Variants in TECR observed in about 807,000 individuals in gnomAD.
The protein encoded by TECR is trans-2,3-enoyl-CoA reductase, also known as very-long-chain enoyl-CoA reductase.
TECR carries 19 observed loss-of-function variants against 50.6 expected under a neutral mutation model. That is an observed-to-expected ratio of 0.38 (90% CI 0.26 to 0.55). The LOEUF (loss-of-function observed/expected upper bound fraction) is 0.55, where lower values mean the gene tolerates loss of function less well. TECR is among the 20% of genes least tolerant of loss of function. TECR has a pLI of 0.79. For missense variants in TECR, 313 were observed against 408.3 expected (o/e 0.77, Z 2.01); for synonymous variants, 168 against 163.5 (o/e 1.03, Z -0.21).
intron 12 of TECR, 37 bp from the exon 13 acceptor site, chr19:14,565,707 C>T (rs1472418799): frequency 3.1e-6 from 5 of 1,611,838 alleles, no homozygotes; most frequent in East Asian, 4.5e-5. Flanking sequence ...CCCCTCCGGG[C>T]CGGCAGCCCC....
chr19:14,552,949 C>T (rs1310296929), intron 1 of TECR, among the ~76,000 whole-genome samples: 1 of 152,000 alleles, frequency 6.6e-6, no homozygotes, highest in Admixed American at 6.6e-5. Flanking sequence ...GCGAGATCAG[C>T]GTCGCTCTGG....
At position 14,564,200 on chromosome 19, in the gene TECR, C is replaced by T. The variant is rs1366096362; in HGVS notation, c.402C>T (p.His134=). 6.2e-7 allele frequency: 1 copy of T among 1,607,904 alleles called. No homozygotes were observed. The highest frequency in any genetic ancestry group is 8.5e-7 in the Non-Finnish European group (1 of 1,179,870). Residue 134 remains histidine, a synonymous_variant, in exon 7 of 13, where the codon CAC becomes CAT. Transcript: ENST00000215567. The stretch of plus-strand genomic sequence containing the variant: ...CGACCAGCCTCGCCTGCATCTGTCA[C>T]TCATTCCACTACATCAAGCGCCTGC... ...HTVVHLACIC[H]SFHYIKRLLE...
At chr19:14,553,034 T>TG (rs1256070509) in intron 1 of TECR, among the ~76,000 whole-genome samples, 2 of 151,718 alleles carry the variant, frequency 1.3e-5, no homozygotes, top group East Asian at 3.9e-4. Context: ...CCACTGAGAA[T>TG]GGGGGGCAGG....
rs75013252 is a variant in TECR, at chr19:14,533,595, C to T, written c.15+3884C>T. Among the ~76,000 whole-genome samples the T allele has an allele frequency of 9.9e-4, 151 of 152,234 alleles. 4 individuals carry two copies. In the South Asian group the frequency reaches 0.03, roughly 30 times the overall value. On this transcript the variant is annotated intron_variant, in intron 1 of 12. Transcript: ENST00000215567. ...GGGGTGCAGGACGTGCTGACTGTCACGCAACAAATTAATGTCTGGTTGAGG... is the reference window on the plus strand; with the variant it reads ...GGGGTGCAGGACGTGCTGACTGTCATGCAACAAATTAATGTCTGGTTGAGG...
chr19:14,540,282 A>T (rs941959481), intron 1 of TECR, among the ~76,000 whole-genome samples: 2 of 151,596 alleles, frequency 1.3e-5, no homozygotes, highest in African/African-American at 4.9e-5. Context: ...GTCAGCCAGG[A>T]TGGTCTCGAT....
At chr19:14,557,455 C>CT (rs1225148151) in intron 1 of TECR, among the ~76,000 whole-genome samples, 3 of 146,808 alleles carry the variant, frequency 2.0e-5, no homozygotes, top group Admixed American at 6.8e-5. Flanking sequence ...CATATTTATT[C>CT]TTTTTTTAAA....
chr19:14,550,343 T>A (rs776590204), intron 1 of TECR, among the ~76,000 whole-genome samples: 5 of 152,154 alleles, frequency 3.3e-5, no homozygotes, highest in Non-Finnish European at 2.9e-5. Context: ...GATCCCAGTC[T>A]AGGCTCTTTG....
chr19:14,564,192 A>T lies in TECR; in HGVS notation c.394A>T (p.Ile132Phe). The T allele has an allele frequency of 6.2e-7, 1 of 1,607,390 alleles. No individual in the cohort carries two copies. The highest frequency in any genetic ancestry group is 8.5e-7 in the Non-Finnish European group (1 of 1,179,758). Residue 132 changes from isoleucine (I) to phenylalanine (F), a missense_variant, in exon 7 of 13, where the codon ATC becomes TTC. Transcript: ENST00000215567. ...SRHTVVHLAC[I>F]CHSFHYIKRL... Reference sequence around the variant, plus strand: ...GCTCCCCCCGACCAGCCTCGCCTGCATCTGTCACTCATTCCACTACATCAA... The same window carrying T: ...GCTCCCCCCGACCAGCCTCGCCTGCTTCTGTCACTCATTCCACTACATCAA...
rs2073981078 is a variant in TECR at position 14,563,964 on chromosome 19, G to T, written c.268-18G>T. ...TCAGCCACGTTGGGTGACTCATCTTGCCCCCCTCTACTCTCAGGTCTTCCT... is the reference window on the plus strand; with the variant it reads ...TCAGCCACGTTGGGTGACTCATCTTTCCCCCCTCTACTCTCAGGTCTTCCT... On this transcript the variant is annotated intron_variant, in intron 5 of 12. Transcript: ENST00000215567. The surrounding 1 kb of genome is among the most constrained non-coding windows in gnomAD (Gnocchi z 5.3). 1.2e-6 allele frequency: 2 copies of T among 1,613,950 alleles called. No individual in the cohort carries two copies. The highest frequency in any genetic ancestry group is 4.5e-5 in the East Asian group (2 of 44,884).
At chr19:14,534,795 A>G (rs976759565) in intron 1 of TECR, among the ~76,000 whole-genome samples, 1 of 152,166 alleles carries the variant, frequency 6.6e-6, no homozygotes, top group African/African-American at 2.4e-5. Flanking sequence ...CTTTACAGAT[A>G]ATGCAACTGA....
At chr19:14,546,481 C>T (rs893998120) in intron 1 of TECR, among the ~76,000 whole-genome samples, 8 of 149,306 alleles carry the variant, frequency 5.4e-5, no homozygotes, top group Admixed American at 2.7e-4. Flanking sequence ...TGGCTACTTG[C>T]GAGGCTGAGG....
Position 14,565,737 on chromosome 19 carries a change from C to G in TECR, c.800-7C>G, listed in dbSNP as rs371529959. The stretch of plus-strand genomic sequence containing the variant: ...AGCCCCTCCCTGACGCCCGTTCTTT[C>G]CTGCAGTGGCCCTGTTCTCCCTGGT... On this transcript the variant is annotated splice_region_variant and splice_polypyrimidine_tract_variant and intron_variant, in intron 12 of 12. Transcript: ENST00000215567. 69 of 1,612,442 alleles carry G rather than the reference C, an allele frequency of 4.3e-5. No homozygotes were observed. The highest frequency in any genetic ancestry group is 1.8e-4 in the Admixed American group (11 of 59,958).
Position 14,563,435 on chromosome 19 carries a change from C to T in TECR, c.118+178C>T, listed in dbSNP as rs1375266223. The T allele has an allele frequency of 7.4e-6, 6 of 815,548 alleles. No individual in the cohort carries two copies. Among genetic ancestry groups the T allele is most frequent in the Non-Finnish European group, 1.2e-5 (6 of 499,790 alleles). The allele number at this position is 815,548 out of a possible 1,614,324, so 50.5% of individuals were successfully genotyped here. On this transcript the variant is annotated intron_variant, in intron 3 of 12. Transcript: ENST00000215567. This position sits in a 1 kb window ranked among gnomAD's most constrained non-coding sequence, Gnocchi z 5.3. ...CCACGTGGCACTCCGCAGGAACGCCCTTGCTAGGCTCTGGGAAGGACAAGA... is the reference window on the plus strand; with the variant it reads ...CCACGTGGCACTCCGCAGGAACGCCTTTGCTAGGCTCTGGGAAGGACAAGA...
At chr19:14,553,276 G>A (rs1036995827) in intron 1 of TECR, among the ~76,000 whole-genome samples, 2 of 152,136 alleles carry the variant, frequency 1.3e-5, no homozygotes, top group Non-Finnish European at 2.9e-5. Flanking sequence ...CCCTGGCCTC[G>A]GATCCGAGAG....
At chr19:14,530,097 A>C (rs1316755166) in intron 1 of TECR, 1 of 349,346 alleles carries the variant, frequency 2.9e-6, no homozygotes, top group South Asian at 2.6e-5. Context: ...CGCCGTCACC[A>C]GCGTAGGAAG....
At chr19:14,559,049 C>T (rs1275647825) in intron 1 of TECR, among the ~76,000 whole-genome samples, 5 of 152,136 alleles carry the variant, frequency 3.3e-5, no homozygotes, top group East Asian at 1.9e-4. Flanking sequence ...GCGGAGCCCT[C>T]GATGAGGTCT....
At chr19:14,562,374 G>A (rs1395238576) in intron 1 of TECR, 151 bp from the exon 2 acceptor site, 2 of 797,918 alleles carry the variant, frequency 2.5e-6, no homozygotes, top group East Asian at 2.6e-5. Flanking sequence ...AGAGCCGAGT[G>A]GCAGGGCTGG....
chr19:14,541,620 G>T (rs1269274235), intron 1 of TECR, among the ~76,000 whole-genome samples: 1 of 152,112 alleles, frequency 6.6e-6, no homozygotes, highest in African/African-American at 2.4e-5. Flanking sequence ...CCTGAAGGTC[G>T]AGGTCTTTGG....
At chr19:14,540,063 AT>A (rs577605678) in intron 1 of TECR, among the ~76,000 whole-genome samples, 79 of 116,420 alleles carry the variant, frequency 6.8e-4, no homozygotes, top group African/African-American at 1.2e-3. Flanking sequence ...AATTTATTTA[AT>A]TTTTTTTTTT....
Sources: gnomAD v4.1 joint callset for allele counts (sites outside exome capture counted in the v4.1 genomes callset) on GRCh38, gnomAD v4.1.1 for gene constraint, Gnocchi (gnomAD v3.1) non-coding constraint, MANE v1.5 for transcripts, NCBI Gene and HGNC (gene_info 2026-07-23, HGNC 2026-07-21) for gene names.